Variants in KIF26B observed in about 807,000 individuals in gnomAD.
The protein encoded by KIF26B is kinesin-like protein KIF26B.
In KIF26B, 63 loss-of-function variants were observed where a neutral mutation model predicts 151.2. The observed-to-expected ratio is 0.42, with a 90% confidence interval of 0.34 to 0.51. The LOEUF (loss-of-function observed/expected upper bound fraction) is 0.51, where lower values mean the gene tolerates loss of function less well. Ranked by LOEUF, KIF26B falls within the 20% of genes least tolerant of loss-of-function variation. KIF26B has a pLI of 0.07. For synonymous variants in KIF26B, 1,357 were observed against 1,262.1 expected (o/e 1.08, Z -1.59); for missense variants, 2,813 against 2,913.6 (o/e 0.97, Z 0.79).
chr1:245,462,722 A>G (rs927701164), intron 4 of KIF26B, among the ~76,000 whole-genome samples: 2 of 152,190 alleles, frequency 1.3e-5, no homozygotes, highest in Admixed American at 6.5e-5. Context: ...GAGGGAGATG[A>G]GGCACAGAAT....
intron 4 of KIF26B, among the ~76,000 whole-genome samples, chr1:245,514,973 A>T (rs1386349259): frequency 6.6e-6 from 1 of 152,184 alleles, no homozygotes; most frequent in Non-Finnish European, 1.5e-5. Flanking sequence ...GACACTTTCC[A>T]ACAGAGGACC....
intron 10 of KIF26B, among the ~76,000 whole-genome samples, chr1:245,648,581 G>A (rs932212103): frequency 1.3e-5 from 2 of 151,646 alleles, no homozygotes; most frequent in East Asian, 1.9e-4. Context: ...GCTGCAGTGA[G>A]TTGAGATTGC....
chr1:245,561,926 A>C (rs536738186), intron 5 of KIF26B, among the ~76,000 whole-genome samples: 14 of 152,210 alleles, frequency 9.2e-5, no homozygotes, highest in African/African-American at 3.4e-4. Flanking sequence ...TCTCCATCCC[A>C]AGGCTCTTTA....
chr1:245,485,398 T>TTC (rs927966479), intron 4 of KIF26B, among the ~76,000 whole-genome samples: 1 of 151,840 alleles, frequency 6.6e-6, no homozygotes, highest in African/African-American at 2.4e-5. Flanking sequence ...TTTTTTTTTT[T>TTC]TTTGAGACAA....
intron 4 of KIF26B, among the ~76,000 whole-genome samples, chr1:245,475,672 T>C (rs1330254124): frequency 6.6e-6 from 1 of 151,680 alleles, no homozygotes; most frequent in Non-Finnish European, 1.5e-5. Context: ...ATTAGGAAAA[T>C]GCAAATAAAA....
chr1:245,322,157 G>A (rs1016189144), intron 2 of KIF26B, among the ~76,000 whole-genome samples: 9 of 152,106 alleles, frequency 5.9e-5, no homozygotes, highest in Non-Finnish European at 1.0e-4. Context: ...TCGCTCATAA[G>A]TAGGAGTTGA....
chr1:245,250,132 G>A (rs984572016), intron 2 of KIF26B, among the ~76,000 whole-genome samples: 6 of 151,968 alleles, frequency 3.9e-5, no homozygotes, highest in East Asian at 1.9e-4. Context: ...CATTATTGTC[G>A]AAGGCTTCTT....
At chr1:245,682,134 A>ACTCCG (rs766520654) in intron 10 of KIF26B, among the ~76,000 whole-genome samples, 52 of 152,080 alleles carry the variant, frequency 3.4e-4, no homozygotes, top group Non-Finnish European at 6.9e-4. Context: ...AGTCCCAGCT[A>ACTCCG]CTCCGGAGGC....
intron 1 of KIF26B, 68 bp from the exon 2 acceptor site, chr1:245,156,214 T>C (rs1668428573): frequency 2.0e-6 from 3 of 1,508,476 alleles, no homozygotes; most frequent in Admixed American, 4.3e-5. Context: ...GGCGCACGTA[T>C]GACCCAGCTC....
At chr1:245,332,750 C>T (rs138125567) in intron 2 of KIF26B, among the ~76,000 whole-genome samples, 1 of 152,326 alleles carries the variant, frequency 6.6e-6, no homozygotes, top group African/African-American at 2.4e-5. Context: ...GCACTATGAC[C>T]TGGCTTCCGT....
intron 4 of KIF26B, among the ~76,000 whole-genome samples, chr1:245,469,445 T>G (rs1659862285): frequency 6.6e-6 from 1 of 152,212 alleles, no homozygotes; most frequent in African/African-American, 2.4e-5. Flanking sequence ...ATGGGGGTTA[T>G]AGGTAGCAGA....
intron 2 of KIF26B, among the ~76,000 whole-genome samples, chr1:245,270,321 A>C (rs202215370): frequency 4.7e-3 from 138 of 29,112 alleles, no homozygotes; most frequent in Middle Eastern, 0.033. Context: ...CCCCTCCTTC[A>C]CTTCCTTTTT....
intron 4 of KIF26B, among the ~76,000 whole-genome samples, chr1:245,533,357 T>G (rs1429347876): frequency 6.6e-6 from 1 of 152,102 alleles, no homozygotes; most frequent in Non-Finnish European, 1.5e-5. Context: ...TCACAGTTTT[T>G]CAGTTGATAT....
chr1:245,273,844 A>G (rs752974521), intron 2 of KIF26B, among the ~76,000 whole-genome samples: 1 of 152,126 alleles, frequency 6.6e-6, no homozygotes, highest in Admixed American at 6.5e-5. Context: ...TGATTGAGGG[A>G]TTTAATTCAC....
In KIF26B at chr1:245,570,102, A is replaced by T. The variant is rs1030574782; in HGVS notation, c.1350+29152A>T. ...AGGCGCCCGCCACCACACCCGGCTA[A>T]TTTTTTTGTATTTTTAGTAGAGACG... On this transcript the variant is annotated intron_variant, in intron 5 of 14. Coordinates refer to ENST00000407071, the MANE Select transcript of KIF26B (RefSeq NM_018012.4). 1.1e-4 allele frequency among the ~76,000 whole-genome samples: 16 copies of T among 151,006 alleles called. No homozygotes were observed. In the East Asian group the frequency reaches 1.8e-3, roughly 17 times the overall value.
intron 10 of KIF26B, among the ~76,000 whole-genome samples, chr1:245,653,130 G>T (rs973035524): frequency 1.3e-5 from 2 of 152,210 alleles, no homozygotes; most frequent in African/African-American, 4.8e-5. Flanking sequence ...GTGGAGGAGA[G>T]AATGGTGTGG....
At position 245,686,940 on chromosome 1, in the gene KIF26B, C is replaced by T; in HGVS notation, c.3957C>T (p.Val1319=). The T allele has an allele frequency of 6.2e-7, 1 of 1,613,326 alleles. No individual in the cohort carries two copies. The highest frequency in any genetic ancestry group is 1.3e-5 in the African/African-American group (1 of 75,032). ...CAGAACCTGTGGCCTCGGAGTTTGT[C>T]AGCAGCCTCCAGAACACCGCTGTGG... ...AMAEPVASEF[V]SSLQNTAVVC... The change falls in exon 12 of 15, where the codon GTC becomes GTT. Residue 1319 remains valine, a synonymous_variant. Transcript: ENST00000407071. The surrounding 1 kb of genome is among the most constrained non-coding windows in gnomAD (Gnocchi z 5.6).
chr1:245,392,315 A>G (rs1272563973), intron 3 of KIF26B, among the ~76,000 whole-genome samples: 1 of 152,200 alleles, frequency 6.6e-6, no homozygotes, highest in Non-Finnish European at 1.5e-5. Flanking sequence ...TCAATATTCT[A>G]TATTATGATT....
chr1:245,280,483 A>C (rs1184926921), intron 2 of KIF26B, among the ~76,000 whole-genome samples: 63 of 141,780 alleles, frequency 4.4e-4, no homozygotes, highest in African/African-American at 1.7e-3. Flanking sequence ...GTAAGCCGAG[A>C]TCGCACCACT....
Sources: gnomAD v4.1 joint callset for allele counts (sites outside exome capture counted in the v4.1 genomes callset) on GRCh38, gnomAD v4.1.1 for gene constraint, Gnocchi (gnomAD v3.1) non-coding constraint, MANE v1.5 for transcripts, NCBI Gene and HGNC (gene_info 2026-07-23, HGNC 2026-07-21) for gene names.